ZBTB20: variants seen among roughly 807,000 people sequenced by gnomAD.
ZBTB20 encodes the protein zinc finger and BTB domain containing 20, also known as zinc finger and BTB domain-containing protein 20.
Under a neutral mutation model 56.9 loss-of-function variants are expected in ZBTB20, and 9 were observed. The ratio of observed to expected loss-of-function variants is 0.16; its 90% CI spans 0.10 to 0.28. The LOEUF is 0.28. Among genes scored for constraint, ZBTB20 ranks in the 10% least tolerant of loss-of-function variants. ZBTB20 has a pLI of 1.00. For missense variants in ZBTB20, 655 were observed against 1,003.0 expected (o/e 0.65, Z 4.69); for synonymous variants, 417 against 420.7 (o/e 0.99, Z 0.11).
At chr3:114,829,766 A>T (rs2073745700) in intron 4 of ZBTB20, among the ~76,000 whole-genome samples, 1 of 151,906 alleles carries the variant, frequency 6.6e-6, no homozygotes, top group Non-Finnish European at 1.5e-5. Context: ...TGCAGTTAGC[A>T]TATGGCAGGT....
intron 4 of ZBTB20, among the ~76,000 whole-genome samples, chr3:114,809,694 T>G (rs879649858): frequency 5.3e-5 from 8 of 152,332 alleles, no homozygotes; most frequent in Admixed American, 4.6e-4. Context: ...ATAATTTCTT[T>G]TTTTTTCTTC....
intron 3 of ZBTB20, among the ~76,000 whole-genome samples, chr3:114,963,562 T>C (rs1277380373): frequency 3.9e-5 from 6 of 152,196 alleles, no homozygotes; most frequent in African/African-American, 1.4e-4. Flanking sequence ...AAAGGCTAAT[T>C]GCTGCCTAAA....
Position 114,809,810 on chromosome 3 carries a change from A to T in ZBTB20, c.-416-8636T>A, listed in dbSNP as rs985284564. Among the ~76,000 whole-genome samples, 4 of 152,224 alleles carry T rather than the reference A, an allele frequency of 2.6e-5. 1 individual carries two copies. The highest frequency in any genetic ancestry group is 9.6e-5 in the African/African-American group (4 of 41,518). On this transcript the variant is annotated intron_variant, in intron 4 of 11. Coordinates refer to ENST00000675478, the MANE Select transcript of ZBTB20 (RefSeq NM_001348800.3). ...ATTGACATTTTATATAGCATATTACAGCAACTCTGGCTTCTGACTTTTCCC... is the reference window on the plus strand; with the variant it reads ...ATTGACATTTTATATAGCATATTACTGCAACTCTGGCTTCTGACTTTTCCC...
intron 2 of ZBTB20, among the ~76,000 whole-genome samples, chr3:115,030,656 G>A (rs562812790): frequency 2.0e-5 from 3 of 151,248 alleles, no homozygotes; most frequent in East Asian, 3.9e-4. Context: ...AAGACTTAAC[G>A]TCATGAGAGA....
At chr3:114,391,885 A>C (rs181917445) in intron 7 of ZBTB20, among the ~76,000 whole-genome samples, 3 of 152,340 alleles carry the variant, frequency 2.0e-5, no homozygotes, top group Admixed American at 1.3e-4. Context: ...ATCAGTGCTT[A>C]CTTGGCACCA....
At chr3:114,360,581 T>G (rs1488895696) in intron 10 of ZBTB20, among the ~76,000 whole-genome samples, 1 of 151,770 alleles carries the variant, frequency 6.6e-6, no homozygotes, top group East Asian at 1.9e-4. Flanking sequence ...TCGAACTCCT[T>G]ACCTTGTGAT....
At chr3:114,603,488 T>C (rs1243527593) in intron 6 of ZBTB20, among the ~76,000 whole-genome samples, 1 of 151,986 alleles carries the variant, frequency 6.6e-6, no homozygotes, top group African/African-American at 2.4e-5. Flanking sequence ...AATTTCTTTA[T>C]AATCTTGGCA....
chr3:114,462,916 C>T (rs1354061316), intron 7 of ZBTB20, among the ~76,000 whole-genome samples: 1 of 152,194 alleles, frequency 6.6e-6, no homozygotes, highest in Non-Finnish European at 1.5e-5. Context: ...GGCCTGAGGA[C>T]TCGTCCTTCC....
intron 2 of ZBTB20, among the ~76,000 whole-genome samples, chr3:115,014,778 GT>G (rs1431506643): frequency 6.6e-6 from 1 of 151,352 alleles, no homozygotes; most frequent in Non-Finnish European, 1.5e-5. Flanking sequence ...TGTCTTTTTT[GT>G]TTTTTGTTTC....
At chr3:114,555,246 C>T (rs2051058264) in intron 6 of ZBTB20, among the ~76,000 whole-genome samples, 2 of 152,122 alleles carry the variant, frequency 1.3e-5, no homozygotes, top group African/African-American at 2.4e-5. Flanking sequence ...ATGAACTTGA[C>T]AATCACGTTG....
chr3:114,646,217 A>G (rs1468902179), intron 6 of ZBTB20, among the ~76,000 whole-genome samples: 23 of 151,904 alleles, frequency 1.5e-4, no homozygotes, highest in Admixed American at 1.5e-3. Context: ...GGAGGTTACC[A>G]TTGCAAACCC....
chr3:115,113,624 C>T (rs762512166), intron 1 of ZBTB20, among the ~76,000 whole-genome samples: 1 of 152,214 alleles, frequency 6.6e-6, no homozygotes, highest in Non-Finnish European at 1.5e-5. Flanking sequence ...TGACTGGAAG[C>T]TCCAGCAGCT....
chr3:114,899,632 T>A (rs1368517475), intron 4 of ZBTB20, among the ~76,000 whole-genome samples: 1 of 152,106 alleles, frequency 6.6e-6, no homozygotes, highest in Non-Finnish European at 1.5e-5. Flanking sequence ...AAGGTCTACA[T>A]CAAGTAAGAA....
At chr3:114,787,680 T>C (rs559441938) in intron 5 of ZBTB20, among the ~76,000 whole-genome samples, 27 of 152,064 alleles carry the variant, frequency 1.8e-4, no homozygotes, top group Admixed American at 7.2e-4. Flanking sequence ...TTAAAATTCA[T>C]AGAACTGTAT....
chr3:114,891,007 T>C (rs1351615165), intron 4 of ZBTB20, among the ~76,000 whole-genome samples: 1 of 152,152 alleles, frequency 6.6e-6, no homozygotes, highest in Non-Finnish European at 1.5e-5. Context: ...CCAGCTTAAG[T>C]TCAGCCTCTT....
At chr3:114,715,230 A>G (rs1228885992) in intron 5 of ZBTB20, among the ~76,000 whole-genome samples, 1 of 152,262 alleles carries the variant, frequency 6.6e-6, no homozygotes, top group African/African-American at 2.4e-5. Context: ...AATTTATTTT[A>G]TTGCTTTTAT....
intron 7 of ZBTB20, among the ~76,000 whole-genome samples, chr3:114,481,934 T>C (rs1481541774): frequency 6.6e-6 from 1 of 152,224 alleles, no homozygotes; most frequent in Non-Finnish European, 1.5e-5. Flanking sequence ...ACTGACCCTC[T>C]TGCCACTCAC....
chr3:114,723,096 C>G (rs1578532469), intron 5 of ZBTB20, among the ~76,000 whole-genome samples: 4 of 152,238 alleles, frequency 2.6e-5, no homozygotes. Context: ...ATCTGTCTAA[C>G]TTGCAAAAAT....
At chr3:115,119,081 C>G (rs1380577847) in intron 1 of ZBTB20, among the ~76,000 whole-genome samples, 2 of 152,284 alleles carry the variant, frequency 1.3e-5, no homozygotes, top group Non-Finnish European at 2.9e-5. Flanking sequence ...AAGATCCCCA[C>G]TTAACCTAAC....
Sources: allele counts gnomAD v4.1 joint callset (sites outside exome capture counted in the v4.1 genomes callset), GRCh38; gene constraint gnomAD v4.1.1; transcripts MANE v1.5; gene names NCBI Gene and HGNC (gene_info 2026-07-23, HGNC 2026-07-21).